Variants in NWD2 observed in about 807,000 individuals in gnomAD.
NWD2 encodes NACHT and WD repeat domain containing 2, also known as NACHT and WD repeat domain-containing protein 2.
In NWD2, 37 loss-of-function variants were observed where a neutral mutation model predicts 132.7. The observed-to-expected ratio is 0.28, with a 90% confidence interval of 0.21 to 0.37. NWD2 has a LOEUF of 0.37. Ranked by LOEUF, NWD2 falls within the 10% of genes least tolerant of loss-of-function variation. The pLI is 1.00. For synonymous variants in NWD2, 705 were observed against 803.0 expected (o/e 0.88, Z 2.06); for missense variants, 1,592 against 2,122.4 (o/e 0.75, Z 4.91).
chr4:37,251,152 G>A (rs149565072), intron 1 of NWD2, among the ~76,000 whole-genome samples: 236 of 152,258 alleles, frequency 1.5e-3, no homozygotes, highest in African/African-American at 5.4e-3. Context: ...GGTGGTGGGC[G>A]CCTGTAATCC....
At position 37,444,174 on chromosome 4, in the gene NWD2, T is replaced by C; in HGVS notation, c.2186T>C (p.Leu729Pro). ...GAAAGACATGTGAAAAATGTCACAC[T>C]CCTAGTCTGGGCCAACAGACACCTG... ...LIERHVKNVT[L>P]LVWANRHLQL... The change falls in exon 7 of 7, where the codon CTC becomes CCC. Residue 729 changes from leucine (L) to proline (P), a missense_variant. Leu to Pro is a moderately conservative substitution (Grantham distance 98). Around this residue, in one of 7 missense-constraint regions of NWD2, gnomAD observed 1,071 missense variants for 1,398.0 expected, o/e 0.77. Transcript: ENST00000309447. The surrounding 1 kb of genome is among the most constrained non-coding windows in gnomAD (Gnocchi z 4.8). 1 of 1,551,654 alleles carries C rather than the reference T, an allele frequency of 6.4e-7. No individual in the cohort carries two copies. The highest frequency in any genetic ancestry group is 8.7e-7 in the Non-Finnish European group (1 of 1,146,980).
rs34055055 is a variant in NWD2, at chr4:37,375,566, CT to C, written c.357+19102del. On this transcript the variant is annotated intron_variant, in intron 3 of 6. Transcript: ENST00000309447. The stretch of plus-strand genomic sequence containing the variant: ...TTAGGAGGTCTTATTCTGGAATTCA[CT>C]TTTTTTTTTTTTTTTTTCCGAGACG... Among the ~76,000 whole-genome samples, 226 of 130,176 alleles carry C rather than the reference CT, an allele frequency of 1.7e-3. 2 individuals carry two copies. The highest frequency in any genetic ancestry group is 5.1e-3 in the Admixed American group (62 of 12,110). The allele number at this position is 130,176 out of a possible 152,430, so 85.4% of individuals were successfully genotyped here.
intron 3 of NWD2, among the ~76,000 whole-genome samples, chr4:37,409,205 C>A (rs572014504): frequency 6.6e-6 from 1 of 152,042 alleles, no homozygotes; most frequent in South Asian, 2.1e-4. Context: ...TAATAACAAA[C>A]TCCACCAAGC....
intron 3 of NWD2, among the ~76,000 whole-genome samples, chr4:37,372,074 T>G (rs1403407927): frequency 2.6e-5 from 4 of 152,200 alleles, no homozygotes; most frequent in Non-Finnish European, 5.9e-5. Context: ...TAAATCATTG[T>G]TAGATAAAAT....
chr4:37,444,559 C>G lies in NWD2; in HGVS notation c.2571C>G (p.Asn857Lys). The change falls in exon 7 of 7, where the codon AAC becomes AAG. Residue 857 changes from asparagine (N) to lysine (K), a missense_variant. Coordinates refer to ENST00000309447, the MANE Select transcript of NWD2 (RefSeq NM_001144990.2). The surrounding 1 kb of genome is among the most constrained non-coding windows in gnomAD (Gnocchi z 4.8). ...ACCTGCTTTACGGCATCATCATGAA[C>G]TTCAGCTGGCTTTATACCATGATCA... ...TDDLLYGIIM[N>K]FSWLYTMIKI... 1 of 1,551,818 alleles carries G rather than the reference C, an allele frequency of 6.4e-7. No individual in the cohort carries two copies. The highest frequency in any genetic ancestry group is 1.2e-5 in the South Asian group (1 of 84,056).
rs762712020 is a variant in NWD2 at position 37,445,919 on chromosome 4, A to C, written c.3931A>C (p.Asn1311His). 1 of 1,551,724 alleles carries C rather than the reference A, an allele frequency of 6.4e-7. No individual in the cohort carries two copies. Among genetic ancestry groups the C allele is most frequent in the South Asian group, 1.2e-5 (1 of 84,048 alleles). Residue 1311 changes from asparagine (N) to histidine (H), a missense_variant, in exon 7 of 7, where the codon AAC (asparagine) becomes CAC (histidine). Transcript: ENST00000309447. The surrounding 1 kb of genome is among the most constrained non-coding windows in gnomAD (Gnocchi z 4.7). ...WDIDIITAMS[N>H]IDKTGKPIQS... ...CATAGATATAATCACAGCTATGTCC[A>C]ACATAGATAAGACTGGAAAACCCAT...
chr4:37,314,678 C>T (rs980973552), intron 1 of NWD2, among the ~76,000 whole-genome samples: 6 of 152,114 alleles, frequency 3.9e-5, no homozygotes, highest in African/African-American at 1.4e-4. Context: ...CTTGGTCAAC[C>T]TAGCTGACAG....
chr4:37,409,274 G>A (rs1296857019), intron 3 of NWD2, among the ~76,000 whole-genome samples: 2 of 151,906 alleles, frequency 1.3e-5, no homozygotes, highest in East Asian at 1.9e-4. Context: ...AAAGGTTAGA[G>A]GAATGGCTAA....
intron 1 of NWD2, among the ~76,000 whole-genome samples, chr4:37,320,507 G>T (rs1301501358): frequency 1.3e-5 from 2 of 152,124 alleles, no homozygotes; most frequent in African/African-American, 4.8e-5. Context: ...TTGAGAGAAG[G>T]TGAGTGAAAA....
intron 3 of NWD2, among the ~76,000 whole-genome samples, chr4:37,388,036 C>A (rs1720600713): frequency 6.6e-6 from 1 of 152,118 alleles, no homozygotes. Flanking sequence ...CTTGCTGAAC[C>A]AATCTGTGCT....
intron 3 of NWD2, among the ~76,000 whole-genome samples, chr4:37,396,069 T>G (rs989996948): frequency 6.6e-6 from 1 of 152,194 alleles, no homozygotes; most frequent in Non-Finnish European, 1.5e-5. Context: ...TCAATTGAGC[T>G]CAGCCCCTTC....
chr4:37,247,529 T>A (rs893015623), intron 1 of NWD2, among the ~76,000 whole-genome samples: 5 of 152,180 alleles, frequency 3.3e-5, no homozygotes, highest in Middle Eastern at 3.2e-3. Context: ...ATTGTTTTAA[T>A]AGGTAGTGCT....
chr4:37,277,055 A>C lies in NWD2; in HGVS notation c.151+31837A>C, dbSNP rs1176753744. Among the ~76,000 whole-genome samples, 6 of 152,186 alleles carry C rather than the reference A, an allele frequency of 3.9e-5. No homozygotes were observed. The East Asian group carries it at 1.2e-3, about 29-fold the overall frequency. Reference sequence around the variant, plus strand: ...TGTTGAATGACGAGTTAATGGGTGCAGCACACCAACATGGCACATGTACAT... The same window carrying C: ...TGTTGAATGACGAGTTAATGGGTGCCGCACACCAACATGGCACATGTACAT... On this transcript the variant is annotated intron_variant, in intron 1 of 6. Transcript: ENST00000309447.
intron 2 of NWD2, among the ~76,000 whole-genome samples, chr4:37,336,975 G>C (rs1245194497): frequency 8.9e-6 from 1 of 111,752 alleles, no homozygotes; most frequent in African/African-American, 3.1e-5. Flanking sequence ...AAAAAAACAA[G>C]AAATTGTCCA....
At chr4:37,259,125 A>G (rs764153697) in intron 1 of NWD2, among the ~76,000 whole-genome samples, 2 of 152,224 alleles carry the variant, frequency 1.3e-5, no homozygotes, top group Admixed American at 1.3e-4. Flanking sequence ...TCCTAGCACC[A>G]TAATCTAGAT....
In NWD2 at chr4:37,244,975, G is replaced by T. The variant is rs537894492; in HGVS notation, c.-93G>T. The T allele has an allele frequency of 8.0e-6, 12 of 1,497,420 alleles. No individual in the cohort carries two copies. The highest frequency in any genetic ancestry group is 2.4e-4 in the Middle Eastern group (1 of 4,228). The allele number at this position is 1,497,420 out of a possible 1,614,324, so 92.8% of individuals were successfully genotyped here. A position where few individuals can be genotyped will look rare whatever the true frequency, so the allele number is the denominator to read the frequency against. Reference sequence around the variant, plus strand: ...CTGAGCCGCGCCGCCTGCTGAGATCGACCGCCTGCTGAGCCGTTCCGTGGA... The same window carrying T: ...CTGAGCCGCGCCGCCTGCTGAGATCTACCGCCTGCTGAGCCGTTCCGTGGA... On this transcript the variant is annotated 5_prime_UTR_variant, in exon 1 of 7. Coordinates refer to ENST00000309447, the MANE Select transcript of NWD2 (RefSeq NM_001144990.2). The surrounding 1 kb of genome is among the most constrained non-coding windows in gnomAD (Gnocchi z 5.5).
chr4:37,275,132 G>A (rs1334710054), intron 1 of NWD2, among the ~76,000 whole-genome samples: 1 of 152,182 alleles, frequency 6.6e-6, no homozygotes, highest in Non-Finnish European at 1.5e-5. Context: ...AAAAGAGGAA[G>A]TCAAATTGTC....
At chr4:37,328,904 C>T (rs1480153569) in intron 2 of NWD2, among the ~76,000 whole-genome samples, 2 of 151,934 alleles carry the variant, frequency 1.3e-5, no homozygotes, top group Non-Finnish European at 2.9e-5. Flanking sequence ...TGTCTTTCTC[C>T]CACTAGATTA....
At chr4:37,390,551 G>A (rs1199782503) in intron 3 of NWD2, among the ~76,000 whole-genome samples, 2 of 152,050 alleles carry the variant, frequency 1.3e-5, no homozygotes, top group East Asian at 3.9e-4. Context: ...CACCTCCAGA[G>A]GTTCTGATTT....
Sources: gnomAD v4.1 joint callset for allele counts (sites outside exome capture counted in the v4.1 genomes callset) on GRCh38, gnomAD v4.1.1 for gene constraint, gnomAD v4.1.1 regional missense constraint, Gnocchi (gnomAD v3.1) non-coding constraint, MANE v1.5 for transcripts, NCBI Gene and HGNC (gene_info 2026-07-23, HGNC 2026-07-21) for gene names.